The following TREML4 variants were observed in gnomAD, a reference collection of about 807,000 sequenced individuals.
The protein encoded by TREML4 is trem-like transcript 4 protein.
A neutral mutation model predicts 25.4 loss-of-function variants in TREML4; 25 were observed. That is an observed-to-expected ratio of 0.98 (90% CI 0.72 to 1.37). The LOEUF is 1.37. Ranked by LOEUF, TREML4 falls within the 40% of genes most tolerant of loss-of-function variation. The pLI is 0.00. For synonymous variants in TREML4, 92 were observed against 87.9 expected, an observed-to-expected ratio of 1.05 and a Z score of -0.26; for missense variants, 268 against 236.5, an observed-to-expected ratio of 1.13 and a Z score of -0.87.
chr6:41,238,499 A>G lies in TREML4; in HGVS notation c.*1480A>G, dbSNP rs1408850545. 1 of 152,176 alleles carries G rather than the reference A, an allele frequency of 6.6e-6. No homozygotes were observed. Among genetic ancestry groups the G allele is most frequent in the Non-Finnish European group, 1.5e-5 (1 of 68,042 alleles). The allele number at this position is 152,176 out of a possible 1,614,324, so 9.4% of individuals were successfully genotyped here. A position where few individuals can be genotyped will look rare whatever the true frequency, so the allele number is the denominator to read the frequency against. On this transcript the variant is annotated 3_prime_UTR_variant, in exon 6 of 6. Coordinates refer to ENST00000341495, the MANE Select transcript of TREML4 (RefSeq NM_198153.3). ...GTGCATCATTCCGAACCCAGGGTGC[A>G]TGTGCTTTTTTGCCTTCACTTTTCT...
At position 41,238,231 on chromosome 6, in the gene TREML4, C is replaced by A. The variant is rs1300250363; in HGVS notation, c.*1212C>A. 2 of 152,136 alleles carry A rather than the reference C, an allele frequency of 1.3e-5. No homozygotes were observed. The highest frequency in any genetic ancestry group is 4.8e-5 in the African/African-American group (2 of 41,416). 9.4% of individuals were successfully genotyped at this position (152,136 alleles called of 1,614,324 possible). On this transcript the variant is annotated 3_prime_UTR_variant, in exon 6 of 6. Coordinates refer to ENST00000341495, the MANE Select transcript of TREML4 (RefSeq NM_198153.3). Reference sequence around the variant, plus strand: ...GCTTTGTTTATTTATTTTTTTAATCCTCATTCCCTATGTCCACTTGCCTTC... The same window carrying A: ...GCTTTGTTTATTTATTTTTTTAATCATCATTCCCTATGTCCACTTGCCTTC...
In TREML4 at chr6:41,228,963, G is replaced by A; in HGVS notation, c.313G>A (p.Gly105Arg). 1 of 1,614,060 alleles carries A rather than the reference G, an allele frequency of 6.2e-7. No homozygotes were observed. Among genetic ancestry groups the A allele is most frequent in the Non-Finnish European group, 8.5e-7 (1 of 1,179,938 alleles). Reference sequence around the variant, plus strand: ...GATTCAGCTGACACAGAATGACTCGGGATTCTACTGGTGTGGAATCTACAA... The same window carrying A: ...GATTCAGCTGACACAGAATGACTCGAGATTCTACTGGTGTGGAATCTACAA... ...TMIQLTQNDS[G>R]FYWCGIYNAS... Residue 105 changes from glycine (G) to arginine (R), a missense_variant, in exon 2 of 6, where the codon GGA becomes AGA. By Grantham distance (125) the Gly-to-Arg change is moderately radical. Transcript: ENST00000341495.
intron 4 of TREML4, chr6:41,232,346 T>C (rs776593842): frequency 5.0e-6 from 2 of 401,336 alleles, no homozygotes; most frequent in South Asian, 3.6e-5. Flanking sequence ...TTTGTTTTTA[T>C]CTTTTTTGAT....
chr6:41,229,362 A>T (rs1006510019), intron 2 of TREML4, among the ~76,000 whole-genome samples, 159 bp from the exon 3 acceptor site: 5 of 151,940 alleles, frequency 3.3e-5, no homozygotes, highest in Admixed American at 3.3e-4. Context: ...ACACACACAC[A>T]CCAACAACTC....
rs1188501872 is a variant in TREML4 at position 41,238,330 on chromosome 6, T to C, written c.*1311T>C. On this transcript the variant is annotated 3_prime_UTR_variant, in exon 6 of 6. Transcript: ENST00000341495. ...GAATGTATTCTTGTAAAACATCCAGTATTTTTTTTTCTGTGACTATGTTTT... is the reference window on the plus strand; with the variant it reads ...GAATGTATTCTTGTAAAACATCCAGCATTTTTTTTTCTGTGACTATGTTTT... 2 of 152,228 alleles carry C rather than the reference T, an allele frequency of 1.3e-5. No homozygotes were observed. The highest frequency in any genetic ancestry group is 4.8e-5 in the African/African-American group (2 of 41,474). 9.4% of individuals were successfully genotyped at this position (152,228 alleles called of 1,614,324 possible).
intron 3 of TREML4, 196 bp downstream of exon 3, chr6:41,229,767 A>C (rs1163054261): frequency 7.5e-6 from 5 of 664,596 alleles, no homozygotes; most frequent in Non-Finnish European, 1.3e-5. Flanking sequence ...TGATCAGAAG[A>C]TCGCCATGTT....
At chr6:41,229,409 T>G (rs2113936759) in intron 2 of TREML4, 112 bp from the exon 3 acceptor site, 1 of 1,161,440 alleles carries the variant, frequency 8.6e-7, no homozygotes, top group East Asian at 2.4e-5. Flanking sequence ...ACTCCTGGCT[T>G]AAGACATCCT....
chr6:41,230,000 C>A, intron 3 of TREML4, 62 bp from the exon 4 acceptor site: 1 of 1,423,592 alleles, frequency 7.0e-7, no homozygotes, highest in Admixed American at 1.7e-5. Context: ...ACTTTTGGGA[C>A]CCAATCCCAT....
chr6:41,236,984 G>A (rs1026016315), intron 5 of TREML4, 71 bp from the exon 6 acceptor site: 7 of 169,618 alleles, frequency 4.1e-5, no homozygotes, highest in African/African-American at 1.7e-4. Context: ...AGGTAACAGG[G>A]ACAGGGTGAG....
intron 4 of TREML4, among the ~76,000 whole-genome samples, chr6:41,231,285 G>T (rs190406711): frequency 5.3e-5 from 8 of 152,218 alleles, no homozygotes; most frequent in Non-Finnish European, 2.9e-5. Context: ...GTTCTCAGGC[G>T]CCAAAAAGGT....
chr6:41,233,168 G>A (rs1354681315), intron 4 of TREML4, among the ~76,000 whole-genome samples: 1 of 152,118 alleles, frequency 6.6e-6, no homozygotes, highest in Non-Finnish European at 1.5e-5. Context: ...TAAAACTCTA[G>A]CCAAAGGAAA....
rs747320056 is a variant in TREML4, at chr6:41,229,094, G to A, written c.394+50G>A. On this transcript the variant is annotated intron_variant, in intron 2 of 5. Coordinates refer to ENST00000341495, the MANE Select transcript of TREML4 (RefSeq NM_198153.3). ...CCTCTGTGCCACCCCCCAGGGACCT[G>A]AAGGAAATGTCATGCACCCCCTCCC... 5 of 1,508,236 alleles carry A rather than the reference G, an allele frequency of 3.3e-6. No individual in the cohort carries two copies. In the African/African-American group the frequency reaches 5.5e-5, roughly 17 times the overall value. The allele number at this position is 1,508,236 out of a possible 1,614,324, so 93.4% of individuals were successfully genotyped here.
chr6:41,234,945 T>C (rs1766868945), intron 4 of TREML4, among the ~76,000 whole-genome samples: 1 of 151,992 alleles, frequency 6.6e-6, no homozygotes. Context: ...GGTTCATTTC[T>C]CTGATGCACA....
chr6:41,228,478 C>T lies in TREML4; in HGVS notation c.51C>T (p.Cys17=), dbSNP rs569320886. The change falls in exon 1 of 6, where the codon TGC becomes TGT. Residue 17 remains cysteine (C), a synonymous_variant. Transcript: ENST00000341495. ...HTCCFHLCCC[C]SWPQGAVPEE... The stretch of plus-strand genomic sequence containing the variant: ...GCTGCTTCCACCTGTGCTGCTGCTG[C>T]TCCTGGCCTCAGGTGACATGGAGGG... 3 of 1,612,928 alleles carry T rather than the reference C, an allele frequency of 1.9e-6. No individual in the cohort carries two copies. In the South Asian group the frequency reaches 3.3e-5, roughly 18 times the overall value.
At position 41,228,501 on chromosome 6, in the gene TREML4, G is replaced by T. The variant is rs1766720714; in HGVS notation, c.63+11G>T. The stretch of plus-strand genomic sequence containing the variant: ...TGCTCCTGGCCTCAGGTGACATGGA[G>T]GGAAAGAGTGCAGGGGGTGTAAGGA... On this transcript the variant is annotated intron_variant, in intron 1 of 5. Transcript: ENST00000341495. 6.2e-7 allele frequency: 1 copy of T among 1,611,536 alleles called. No individual in the cohort carries two copies. Among genetic ancestry groups the T allele is most frequent in the African/African-American group, 1.3e-5 (1 of 75,012 alleles).
At chr6:41,234,472 A>G (rs1375696178) in intron 4 of TREML4, among the ~76,000 whole-genome samples, 2 of 152,032 alleles carry the variant, frequency 1.3e-5, no homozygotes, top group South Asian at 2.1e-4. Context: ...TTCATAATTC[A>G]TTCTTTAAAA....
At chr6:41,228,584 A>T (rs1417614084) in intron 1 of TREML4, 94 bp downstream of exon 1, 3 of 1,503,072 alleles carry the variant, frequency 2.0e-6, no homozygotes, top group Non-Finnish European at 2.7e-6. Flanking sequence ...ATAGGACAGA[A>T]TTTAGGGGCC....
rs758124057 is a variant in TREML4, at chr6:41,228,902, G to A, written c.252G>A (p.Trp84Ter). Reference protein sequence around the residue: ...TAVQKSHYTIWDKPNAGFFNI... With the variant: ...TAVQKSHYTI ...TTCAGAAGTCTCATTACACAATCTGGGACAAGCCCAATGCTGGCTTCTTCA... is the reference window on the plus strand; with the variant it reads ...TTCAGAAGTCTCATTACACAATCTGAGACAAGCCCAATGCTGGCTTCTTCA... The change falls in exon 2 of 6, where the codon TGG becomes TGA. Residue 84 changes from tryptophan (W) to a stop codon, truncating the protein, a stop_gained. Transcript: ENST00000341495. LOFTEE classifies it high-confidence loss of function. 2 of 1,614,090 alleles carry A rather than the reference G, an allele frequency of 1.2e-6. No homozygotes were observed. Among genetic ancestry groups the A allele is most frequent in the Non-Finnish European group, 1.7e-6 (2 of 1,180,020 alleles).
At chr6:41,228,629 C>G in intron 1 of TREML4, 85 bp from the exon 2 acceptor site, 1 of 1,515,680 alleles carries the variant, frequency 6.6e-7, no homozygotes, top group Admixed American at 1.9e-5. Context: ...CTAGTTCCCC[C>G]TCCCCTTCCC....
Sources: gnomAD v4.1 joint callset for allele counts (sites outside exome capture counted in the v4.1 genomes callset) on GRCh38, gnomAD v4.1.1 for gene constraint, MANE v1.5 for transcripts, NCBI Gene and HGNC (gene_info 2026-07-23, HGNC 2026-07-21) for gene names.